Variants in RAD51B observed in about 807,000 individuals in gnomAD.
RAD51B encodes the protein RAD51 paralog B.
In RAD51B, 38 loss-of-function variants were observed where a neutral mutation model predicts 42.2. That is an observed-to-expected ratio of 0.90 (90% CI 0.70 to 1.18). The LOEUF is 1.18. Ranked by LOEUF, RAD51B falls within the 50% of genes most tolerant of loss-of-function variation. The probability of loss-of-function intolerance (pLI) is 0.00; values close to 1 mark genes in which losing one functional copy is unlikely to be tolerated. For synonymous variants in RAD51B, 154 were observed against 145.2 expected, an observed-to-expected ratio of 1.06 and a Z score of -0.43; for missense variants, 373 against 400.7, an observed-to-expected ratio of 0.93 and a Z score of 0.59.
chr14:68,436,567 G>T (rs1333070933), intron 9 of RAD51B, among the ~76,000 whole-genome samples: 2 of 152,156 alleles, frequency 1.3e-5, no homozygotes, highest in African/African-American at 2.4e-5. Context: ...AATTATGTTG[G>T]TAGTTTGATA....
At chr14:67,954,720 A>G (rs1363435751) in intron 7 of RAD51B, among the ~76,000 whole-genome samples, 2 of 152,212 alleles carry the variant, frequency 1.3e-5, no homozygotes, top group African/African-American at 2.4e-5. Flanking sequence ...AATGTTAGCT[A>G]TAGGATCACT....
At chr14:68,642,989 T>C (rs763877531) in intron 10 of RAD51B, among the ~76,000 whole-genome samples, 6 of 152,254 alleles carry the variant, frequency 3.9e-5, no homozygotes, top group Admixed American at 1.3e-4. Flanking sequence ...ATTTTAAATA[T>C]GTTTAGGTGT....
intron 8 of RAD51B, among the ~76,000 whole-genome samples, chr14:68,329,878 A>C (rs2082315581): frequency 6.6e-6 from 1 of 151,306 alleles, no homozygotes; most frequent in South Asian, 2.1e-4. Context: ...GCTACTCGGG[A>C]GGCTGAGGCA....
intron 7 of RAD51B, among the ~76,000 whole-genome samples, chr14:67,945,672 T>C (rs1363026474): frequency 6.6e-6 from 1 of 152,062 alleles, no homozygotes; most frequent in African/African-American, 2.4e-5. Flanking sequence ...GGTTTCGTCA[T>C]GTTGGCCAGG....
At chr14:68,266,750 T>G (rs1422177972) in intron 7 of RAD51B, among the ~76,000 whole-genome samples, 1 of 152,212 alleles carries the variant, frequency 6.6e-6, no homozygotes, top group Non-Finnish European at 1.5e-5. Context: ...CTGAGTGTCT[T>G]TTGACAAATT....
chr14:68,589,161 A>T (rs542458080), intron 10 of RAD51B, among the ~76,000 whole-genome samples: 1 of 152,308 alleles, frequency 6.6e-6, no homozygotes, highest in East Asian at 1.9e-4. Context: ...AAGTAACGTG[A>T]TACTTACAAG....
chr14:68,494,694 A>G (rs1017493477), intron 10 of RAD51B, among the ~76,000 whole-genome samples: 1 of 152,180 alleles, frequency 6.6e-6, no homozygotes, highest in Non-Finnish European at 1.5e-5. Context: ...AAATGAGGGC[A>G]GTGAGAAAGA....
At chr14:68,608,142 G>A (rs1891528600) in intron 10 of RAD51B, among the ~76,000 whole-genome samples, 1 of 152,196 alleles carries the variant, frequency 6.6e-6, no homozygotes, top group Non-Finnish European at 1.5e-5. Flanking sequence ...CTGGGCACCA[G>A]CACAGTCTCT....
chr14:68,326,487 G>A (rs897722582), intron 8 of RAD51B, among the ~76,000 whole-genome samples: 1 of 152,168 alleles, frequency 6.6e-6, no homozygotes, highest in South Asian at 2.1e-4. Context: ...GACATGTAGG[G>A]GTTTGAGGAA....
At chr14:67,964,609 GT>G (rs1410110340) in intron 7 of RAD51B, among the ~76,000 whole-genome samples, 2 of 152,102 alleles carry the variant, frequency 1.3e-5, no homozygotes, top group Non-Finnish European at 2.9e-5. Context: ...CAGCAGTGAG[GT>G]TTTTTCTTTT....
At chr14:68,308,966 C>G (rs147982171) in intron 8 of RAD51B, among the ~76,000 whole-genome samples, 1 of 152,128 alleles carries the variant, frequency 6.6e-6, no homozygotes, top group East Asian at 1.9e-4. Context: ...AAGGCTCTTA[C>G]AAAACAGAGG....
intron 8 of RAD51B, among the ~76,000 whole-genome samples, chr14:68,320,145 T>A (rs949518639): frequency 6.6e-6 from 1 of 152,206 alleles, no homozygotes; most frequent in African/African-American, 2.4e-5. Flanking sequence ...ATTGGAATCA[T>A]CCCTTTCTCT....
At chr14:68,571,510 C>A (rs1338329740) in intron 10 of RAD51B, among the ~76,000 whole-genome samples, 1 of 152,186 alleles carries the variant, frequency 6.6e-6, no homozygotes, top group Non-Finnish European at 1.5e-5. Flanking sequence ...CACAGCTCTC[C>A]GACCAATCAT....
intron 8 of RAD51B, among the ~76,000 whole-genome samples, chr14:68,365,116 GA>G (rs1410168499): frequency 2.0e-5 from 3 of 152,328 alleles, no homozygotes; most frequent in East Asian, 3.9e-4. Flanking sequence ...CTAGGGCTGG[GA>G]TTCACAACAA....
chr14:67,889,763 T>C (rs2043164798), intron 7 of RAD51B, among the ~76,000 whole-genome samples: 1 of 152,062 alleles, frequency 6.6e-6, no homozygotes, highest in Non-Finnish European at 1.5e-5. Context: ...AAAACAGATG[T>C]ATTAATATCT....
chr14:68,282,845 C>A (rs2081345263), intron 7 of RAD51B, among the ~76,000 whole-genome samples: 1 of 152,254 alleles, frequency 6.6e-6, no homozygotes, highest in African/African-American at 2.4e-5. Flanking sequence ...GAAATACAAG[C>A]AGTAAGCCCA....
intron 11 of RAD51B, among the ~76,000 whole-genome samples, chr14:68,651,750 T>C (rs938660753): frequency 2.6e-5 from 4 of 152,216 alleles, no homozygotes; most frequent in African/African-American, 9.6e-5. Context: ...TTTGAACTAA[T>C]CCTCTATTTA....
At chr14:68,468,368 A>G (rs1347893794) in intron 10 of RAD51B, 118 bp downstream of exon 10, 3 of 1,068,428 alleles carry the variant, frequency 2.8e-6, no homozygotes, top group African/African-American at 3.1e-5. Context: ...AAAAACCAAG[A>G]TGCATTGGCC....
intron 7 of RAD51B, among the ~76,000 whole-genome samples, chr14:68,147,096 T>C (rs2078267319): frequency 6.6e-6 from 1 of 152,192 alleles, no homozygotes; most frequent in South Asian, 2.1e-4. Context: ...CCGGGAGTCT[T>C]ATTCCACTTG....
Sources: allele counts gnomAD v4.1 joint callset (sites outside exome capture counted in the v4.1 genomes callset), GRCh38; gene constraint gnomAD v4.1.1; transcripts MANE v1.5; gene names NCBI Gene and HGNC (gene_info 2026-07-23, HGNC 2026-07-21).